The following FBXO32 variants were observed in gnomAD, a reference collection of about 807,000 sequenced individuals.
The protein encoded by FBXO32 is F-box protein 32.
Under a neutral mutation model 48.3 loss-of-function variants are expected in FBXO32, and 15 were observed. The ratio of observed to expected loss-of-function variants is 0.31; its 90% CI spans 0.21 to 0.48. The LOEUF (loss-of-function observed/expected upper bound fraction) is 0.48, where lower values mean the gene tolerates loss of function less well. Ranked by LOEUF, FBXO32 falls within the 20% of genes least tolerant of loss-of-function variation. The probability of loss-of-function intolerance (pLI) is 0.99; values close to 1 mark genes in which losing one functional copy is unlikely to be tolerated. For missense variants in FBXO32, 309 were observed against 432.7 expected (o/e 0.71, Z 2.54); for synonymous variants, 154 against 165.9 (o/e 0.93, Z 0.55).
rs1030096695 is a variant in FBXO32 at position 123,499,054 on chromosome 8, G to C, written c.*4319C>G. Reference sequence around the variant, plus strand: ...CACACCAAAAGGTGCTTGGGGTGGAGGGCTGGGGGCATAGAAGGTCAGGCC... The same window carrying C: ...CACACCAAAAGGTGCTTGGGGTGGACGGCTGGGGGCATAGAAGGTCAGGCC... On this transcript the variant is annotated 3_prime_UTR_variant, in exon 9 of 9. Coordinates refer to ENST00000517956, the MANE Select transcript of FBXO32 (RefSeq NM_058229.4). 7.2e-5 allele frequency: 11 copies of C among 152,238 alleles called. No individual in the cohort carries two copies. The highest frequency in any genetic ancestry group is 6.5e-4 in the Admixed American group (10 of 15,290). 9.4% of individuals were successfully genotyped at this position (152,238 alleles called of 1,614,324 possible).
intron 4 of FBXO32, among the ~76,000 whole-genome samples, chr8:123,531,287 A>T (rs1471839775): frequency 3.3e-5 from 5 of 152,144 alleles, no homozygotes; most frequent in African/African-American, 1.2e-4. Context: ...CGGCCAAAAC[A>T]GGCAGTTTTA....
At chr8:123,530,972 A>ATTT (rs35151201) in intron 4 of FBXO32, among the ~76,000 whole-genome samples, 4 of 69,000 alleles carry the variant, frequency 5.8e-5, no homozygotes, top group Non-Finnish European at 9.7e-5. Context: ...ATCCAGTCAG[A>ATTT]TTTTTTTTTT....
chr8:123,518,690 C>T (rs1423171302), intron 4 of FBXO32, among the ~76,000 whole-genome samples: 1 of 152,172 alleles, frequency 6.6e-6, no homozygotes, highest in Non-Finnish European at 1.5e-5. Flanking sequence ...TTTACAGCAA[C>T]CCAGTGAGAT....
intron 6 of FBXO32, among the ~76,000 whole-genome samples, chr8:123,509,869 G>C (rs1031228798): frequency 1.3e-5 from 2 of 152,210 alleles, no homozygotes; most frequent in African/African-American, 4.8e-5. Context: ...TCTGTGGACA[G>C]GCCTGGGTTC....
chr8:123,511,243 G>A (rs935057946), intron 6 of FBXO32, among the ~76,000 whole-genome samples: 14 of 152,160 alleles, frequency 9.2e-5, no homozygotes, highest in African/African-American at 2.4e-4. Context: ...GCTGTGCATC[G>A]CTAAGAAAGT....
At chr8:123,535,938 T>G (rs1170683399) in intron 1 of FBXO32, among the ~76,000 whole-genome samples, 1 of 152,178 alleles carries the variant, frequency 6.6e-6, no homozygotes, top group South Asian at 2.1e-4. Flanking sequence ...TATACATCTG[T>G]TGGGTACAAT....
intron 6 of FBXO32, among the ~76,000 whole-genome samples, chr8:123,507,230 T>C (rs1025715697): frequency 6.6e-6 from 1 of 152,168 alleles, no homozygotes; most frequent in African/African-American, 2.4e-5. Context: ...CAACATGAGC[T>C]TTTTTTCTAA....
chr8:123,504,740 T>C lies in FBXO32; in HGVS notation c.842A>G (p.Lys281Arg), dbSNP rs762957793. Residue 281 changes from lysine to arginine, a missense_variant, in exon 8 of 9, where the codon AAA (lysine) becomes AGA (arginine). Coordinates refer to ENST00000517956, the MANE Select transcript of FBXO32 (RefSeq NM_058229.4). ...CCCTTTGTCTGACAGAATTAATCGT[T>C]TGCGGATCTAAAAAATCAAATGAAT... ...QYHFSERQIRKRLILSDKGQL... is the reference protein window; with the variant it reads ...QYHFSERQIRRRLILSDKGQL... 1.1e-5 allele frequency: 17 copies of C among 1,612,410 alleles called. No homozygotes were observed. The South Asian group carries it at 1.8e-4, about 17-fold the overall frequency.
At position 123,501,378 on chromosome 8, in the gene FBXO32, A is replaced by AAAAAACAAAC. The variant is rs1816482298; in HGVS notation, c.*1994_*1995insGTTTGTTTTT. On this transcript the variant is annotated 3_prime_UTR_variant, in exon 9 of 9. Transcript: ENST00000517956. ...AGAGGGATTGCAAAAAAAAAACAAA[A>AAAAAACAAAC]AAAAACAAAACAAAACACACACCTT... The AAAAAACAAAC allele has an allele frequency of 6.6e-6, 1 of 152,010 alleles. No individual in the cohort carries two copies. The highest frequency in any genetic ancestry group is 6.5e-5 in the Admixed American group (1 of 15,276). 9.4% of individuals were successfully genotyped at this position (152,010 alleles called of 1,614,324 possible).
Position 123,541,023 on chromosome 8 carries a change from G to A in FBXO32, c.-9C>T, listed in dbSNP as rs557560740. ...TGCCCGAGGAATGGCATGGCACCGC[G>A]AGCGGACTAGACGGATGGGGAGACG... is the stretch of plus-strand genomic sequence containing the variant. On this transcript the variant is annotated 5_prime_UTR_variant, in exon 1 of 9. Coordinates refer to ENST00000517956, the MANE Select transcript of FBXO32 (RefSeq NM_058229.4). The A allele has an allele frequency of 2.5e-6, 4 of 1,594,798 alleles. No homozygotes were observed. In the South Asian group the frequency reaches 4.4e-5, roughly 18 times the overall value.
At chr8:123,518,233 T>C (rs1397440048) in intron 4 of FBXO32, among the ~76,000 whole-genome samples, 1 of 152,238 alleles carries the variant, frequency 6.6e-6, no homozygotes, top group Non-Finnish European at 1.5e-5. Context: ...TACTTCAAAG[T>C]TGCTGTGAAG....
At position 123,513,917 on chromosome 8, in the gene FBXO32, C is replaced by G. The variant is rs989284078; in HGVS notation, c.466+323G>C. ...ATCTATTCTGACTTTGTACACATGT[C>G]GATTTTCTAGGAATTTGGGACCCGG... On this transcript the variant is annotated intron_variant, in intron 5 of 8. Transcript: ENST00000517956. The surrounding 1 kb of genome is among the most constrained non-coding windows in gnomAD (Gnocchi z 4.3). 5.6e-5 allele frequency: 15 copies of G among 268,424 alleles called. No homozygotes were observed. Among genetic ancestry groups the G allele is most frequent in the Admixed American group, 1.5e-4 (3 of 19,868 alleles). 16.6% of individuals were successfully genotyped at this position (268,424 alleles called of 1,614,324 possible).
intron 6 of FBXO32, among the ~76,000 whole-genome samples, chr8:123,508,006 C>T (rs1231072913): frequency 1.3e-5 from 2 of 152,212 alleles, no homozygotes; most frequent in African/African-American, 4.8e-5. Flanking sequence ...ATGCTGCCAT[C>T]CAGATAAGTC....
At chr8:123,520,574 G>A (rs1185255401) in intron 4 of FBXO32, among the ~76,000 whole-genome samples, 1 of 152,162 alleles carries the variant, frequency 6.6e-6, no homozygotes, top group African/African-American at 2.4e-5. Context: ...ATATCGTATA[G>A]CAAATCTCAG....
rs778179959 is a variant in FBXO32 at position 123,533,216 on chromosome 8, T to C, written c.254A>G (p.Tyr85Cys). 2 of 1,613,128 alleles carry C rather than the reference T, an allele frequency of 1.2e-6. No homozygotes were observed. Among genetic ancestry groups the C allele is most frequent in the Non-Finnish European group, 1.7e-6 (2 of 1,179,134 alleles). ...TQYFHQEKWI[Y>C]VHKGSTKERH... is the part of the protein sequence containing the mutation. ...CTCTTTAGTACTTCCTTTGTGAACA[T>C]AGATCCATTTTTCTTGGTGGAAATC... Residue 85 changes from tyrosine to cysteine, a missense_variant, in exon 3 of 9, where the codon TAT (tyrosine) becomes TGT (cysteine). Physicochemically the swap from Tyr to Cys is radical, Grantham distance 194. Coordinates refer to ENST00000517956, the MANE Select transcript of FBXO32 (RefSeq NM_058229.4).
At chr8:123,536,514 C>T (rs1047627360) in intron 1 of FBXO32, among the ~76,000 whole-genome samples, 2 of 152,166 alleles carry the variant, frequency 1.3e-5, no homozygotes, top group Non-Finnish European at 2.9e-5. Flanking sequence ...TTTCAATCAA[C>T]GTTGAGAAAA....
chr8:123,539,009 TTTTA>T (rs989420890), intron 1 of FBXO32, among the ~76,000 whole-genome samples: 5 of 152,112 alleles, frequency 3.3e-5, no homozygotes, highest in African/African-American at 1.2e-4. Flanking sequence ...AATTTTAAAT[TTTTA>T]TTTATTTTTA....
chr8:123,540,285 G>A lies in FBXO32; in HGVS notation c.116+614C>T, dbSNP rs1817385773. Among the ~76,000 whole-genome samples the A allele has an allele frequency of 6.6e-6, 1 of 152,170 alleles. No individual in the cohort carries two copies. Among genetic ancestry groups the A allele is most frequent in the Non-Finnish European group, 1.5e-5 (1 of 68,022 alleles). ...CCCTTCCCTCCTTTGCACCTCTGCA[G>A]CCCCAAGCCTCCACCGCTCGCAAGT... On this transcript the variant is annotated intron_variant, in intron 1 of 8. Coordinates refer to ENST00000517956, the MANE Select transcript of FBXO32 (RefSeq NM_058229.4). The surrounding 1 kb of genome is among the most constrained non-coding windows in gnomAD (Gnocchi z 6.4).
chr8:123,531,938 G>T lies in FBXO32; in HGVS notation c.332C>A (p.Thr111Asn). ...AAATCTTCTGGAATCCAGAATGGCA[G>T]TTGAGAAGTCCAGTCTGTTGAAAGC... is the stretch of plus-strand genomic sequence containing the variant. ...GEAFNRLDFSTAILDSRRFNY... is the reference protein window; with the variant it reads ...GEAFNRLDFSNAILDSRRFNY... The change falls in exon 4 of 9, where the codon ACT (threonine) becomes AAT (asparagine). Residue 111 changes from threonine to asparagine, a missense_variant. Coordinates refer to ENST00000517956, the MANE Select transcript of FBXO32 (RefSeq NM_058229.4). 1.2e-6 allele frequency: 2 copies of T among 1,614,198 alleles called. No individual in the cohort carries two copies. The highest frequency in any genetic ancestry group is 1.7e-6 in the Non-Finnish European group (2 of 1,180,026).
Sources: gnomAD v4.1 joint callset for allele counts (sites outside exome capture counted in the v4.1 genomes callset) on GRCh38, gnomAD v4.1.1 for gene constraint, Gnocchi (gnomAD v3.1) non-coding constraint, MANE v1.5 for transcripts, NCBI Gene and HGNC (gene_info 2026-07-23, HGNC 2026-07-21) for gene names.